PDE1C: variants seen among roughly 807,000 people sequenced by gnomAD.
PDE1C encodes phosphodiesterase 1C.
Under a neutral mutation model 93.1 loss-of-function variants are expected in PDE1C, and 62 were observed. The ratio of observed to expected loss-of-function variants is 0.67; its 90% CI spans 0.54 to 0.82. The LOEUF (loss-of-function observed/expected upper bound fraction) is 0.82. PDE1C is among the 40% of genes least tolerant of loss of function. PDE1C has a pLI of 0.00. For synonymous variants in PDE1C, 325 were observed against 310.1 expected (o/e 1.05, Z -0.50); for missense variants, 742 against 884.6 (o/e 0.84, Z 2.04).
rs577304132 is a variant in PDE1C, at chr7:32,028,350, G to C, written c.128+23204C>G. On this transcript the variant is annotated intron_variant, in intron 2 of 17. Transcript: ENST00000396191. ...GTATTTATTCATTCAAACACACAAA[G>C]TCTCTTCATATGCTTCATTATTCCT... Among the ~76,000 whole-genome samples, 7 of 152,104 alleles carry C rather than the reference G, an allele frequency of 4.6e-5. No homozygotes were observed. The East Asian group carries it at 1.4e-3, about 30-fold the overall frequency.
intron 2 of PDE1C, among the ~76,000 whole-genome samples, chr7:31,900,029 A>G (rs1421230007): frequency 2.6e-5 from 4 of 152,304 alleles, no homozygotes; most frequent in Admixed American, 2.6e-4. Flanking sequence ...ACGCCAAGAA[A>G]CCTCACTCCA....
intron 2 of PDE1C, among the ~76,000 whole-genome samples, chr7:32,012,279 T>G (rs1787242221): frequency 6.6e-6 from 1 of 152,100 alleles, no homozygotes; most frequent in East Asian, 1.9e-4. Flanking sequence ...GAAGAAGTCA[T>G]TGTATCACGT....
rs550624551 is a variant in PDE1C, at chr7:32,093,979, G to A, written c.308+75806C>T. Among the ~76,000 whole-genome samples, 9 of 152,324 alleles carry A rather than the reference G, an allele frequency of 5.9e-5. No homozygotes were observed. In the East Asian group the frequency reaches 9.7e-4, roughly 16 times the overall value. On this transcript the variant is annotated intron_variant, in intron 3 of 18. Transcript: ENST00000396193. ...CCAAAAGGGAGAGAAGGTTGAATGC[G>A]TCACTGACCCAGGAATAGATGGTAA...
intron 1 of PDE1C, among the ~76,000 whole-genome samples, chr7:32,359,316 T>C (rs1053641202): frequency 6.6e-6 from 1 of 152,220 alleles, no homozygotes; most frequent in Non-Finnish European, 1.5e-5. Context: ...CCTATTGCAA[T>C]AATTTCTAAA....
At chr7:32,157,850 A>G (rs1449670524) in intron 3 of PDE1C, among the ~76,000 whole-genome samples, 2 of 152,200 alleles carry the variant, frequency 1.3e-5, no homozygotes, top group Admixed American at 6.5e-5. Flanking sequence ...TTAGTCTTGC[A>G]ATTGTTCTAT....
upstream of PDE1C, chr7:32,071,268 C>A (rs1796031877): frequency 2.0e-6 from 2 of 985,472 alleles, no homozygotes; most frequent in Non-Finnish European, 2.4e-6. Context: ...CCTCCCGGGG[C>A]CAGGGCACGC....
intron 1 of PDE1C, among the ~76,000 whole-genome samples, chr7:32,383,704 G>A (rs1784573619): frequency 6.6e-6 from 1 of 152,176 alleles, no homozygotes; most frequent in Non-Finnish European, 1.5e-5. Flanking sequence ...TGGTTGGATG[G>A]ATGGATGGAC....
At chr7:31,832,561 T>C (rs912970729) in intron 11 of PDE1C, among the ~76,000 whole-genome samples, 2 of 152,230 alleles carry the variant, frequency 1.3e-5, no homozygotes, top group Admixed American at 1.3e-4. Context: ...CCCATTTGAA[T>C]TGTCCAATTT....
At chr7:32,402,823 G>T (rs970485058) in intron 1 of PDE1C, among the ~76,000 whole-genome samples, 16 of 152,200 alleles carry the variant, frequency 1.1e-4, no homozygotes, top group African/African-American at 3.1e-4. Flanking sequence ...CCTCCAAGAT[G>T]AGTGCCTAAA....
At chr7:32,224,450 T>C (rs950872553) in intron 1 of PDE1C, among the ~76,000 whole-genome samples, 1 of 151,982 alleles carries the variant, frequency 6.6e-6, no homozygotes. Context: ...TTACCAAACC[T>C]CTCTGAGTCA....
At chr7:31,626,874 C>T in the PDE1C span, among the ~76,000 whole-genome samples, 6 of 152,168 alleles carry the variant, frequency 3.9e-5, no homozygotes, top group African/African-American at 1.4e-4. Context: ...AGTAAGCACC[C>T]AACAGAAAAA....
intron 2 of PDE1C, among the ~76,000 whole-genome samples, chr7:31,971,057 G>A (rs1018071784): frequency 5.9e-5 from 9 of 152,118 alleles, no homozygotes; most frequent in Admixed American, 4.6e-4. Flanking sequence ...TAGGAGAATC[G>A]CTTGAACCTG....
intron 2 of PDE1C, among the ~76,000 whole-genome samples, chr7:31,895,380 A>G (rs536582424): frequency 6.6e-6 from 1 of 152,304 alleles, no homozygotes. Flanking sequence ...GTGACCAAGC[A>G]GACAAGAGAT....
intron 1 of PDE1C, among the ~76,000 whole-genome samples, chr7:32,245,395 G>A (rs931401630): frequency 6.6e-6 from 1 of 152,122 alleles, no homozygotes; most frequent in African/African-American, 2.4e-5. Context: ...ATTGCCCAAA[G>A]CTGATCCTAA....
At chr7:32,289,063 A>G (rs1358420298) in intron 1 of PDE1C, among the ~76,000 whole-genome samples, 2 of 152,226 alleles carry the variant, frequency 1.3e-5, no homozygotes, top group East Asian at 1.9e-4. Flanking sequence ...TGTAGATATT[A>G]TTATTCCTAC....
At chr7:31,721,362 C>T in the PDE1C span, among the ~76,000 whole-genome samples, 1 of 152,182 alleles carries the variant, frequency 6.6e-6, no homozygotes, top group Non-Finnish European at 1.5e-5. Context: ...TTGGCCAATA[C>T]GGTAGACACT....
chr7:31,801,845 T>C (rs2128691985), intron 16 of PDE1C, among the ~76,000 whole-genome samples: 2 of 151,590 alleles, frequency 1.3e-5, no homozygotes, highest in Middle Eastern at 3.4e-3. Flanking sequence ...ATTTAAAACC[T>C]TTTACTTTTG....
At chr7:32,186,146 A>T (rs1340914203) in intron 2 of PDE1C, among the ~76,000 whole-genome samples, 4 of 140,780 alleles carry the variant, frequency 2.8e-5, no homozygotes, top group African/African-American at 1.1e-4. Context: ...CCCAGGCCCG[A>T]CTGCGGACTG....
intron 2 of PDE1C, among the ~76,000 whole-genome samples, chr7:32,017,156 T>C (rs1788018411): frequency 6.6e-6 from 1 of 152,184 alleles, no homozygotes; most frequent in Non-Finnish European, 1.5e-5. Flanking sequence ...TTAACCTGTG[T>C]TACTCATATG....
Sources: gnomAD v4.1 joint callset for allele counts (sites outside exome capture counted in the v4.1 genomes callset) on GRCh38, gnomAD v4.1.1 for gene constraint, MANE v1.5 for transcripts, NCBI Gene and HGNC (gene_info 2026-07-23, HGNC 2026-07-21) for gene names.